Variants in UTP18 observed in about 807,000 individuals in gnomAD.
UTP18 encodes the protein UTP18 small subunit processome component, also known as U3 small nucleolar RNA-associated protein 18 homolog.
A neutral mutation model predicts 61.1 loss-of-function variants in UTP18; 36 were observed. That is an observed-to-expected ratio of 0.59 (90% CI 0.45 to 0.78). The LOEUF is 0.78. Among genes scored for constraint, UTP18 ranks in the 30% least tolerant of loss-of-function variants. UTP18 has a pLI of 0.00. For synonymous variants in UTP18, 282 were observed against 251.1 expected (o/e 1.12, Z -1.16); for missense variants, 753 against 693.9 (o/e 1.09, Z -0.96).
chr17:51,285,612 A>G (rs1288086665), intron 10 of UTP18, among the ~76,000 whole-genome samples: 1 of 152,224 alleles, frequency 6.6e-6, no homozygotes, highest in Non-Finnish European at 1.5e-5. Flanking sequence ...CCTGTGGTTA[A>G]TCACAATCTG....
Position 51,260,742 on chromosome 17 carries a change from G to C in UTP18, c.158G>C (p.Arg53Pro). 6.3e-7 allele frequency: 1 copy of C among 1,584,732 alleles called. No homozygotes were observed. Among genetic ancestry groups the C allele is most frequent in the Non-Finnish European group, 8.6e-7 (1 of 1,166,502 alleles). Reference sequence around the variant, plus strand: ...TCATCCCAGCGGAAACCGCCGGCCCGGCCGAGCGCGGCGGCCGCTGCGATT... The same window carrying C: ...TCATCCCAGCGGAAACCGCCGGCCCCGCCGAGCGCGGCGGCCGCTGCGATT... ...APSSQRKPPARPSAAAAAIAV... is the reference protein window; with the variant it reads ...APSSQRKPPAPPSAAAAAIAV... The change falls in exon 1 of 14, where the codon CGG becomes CCG. Residue 53 changes from arginine to proline, a missense_variant. By Grantham distance (103) the Arg-to-Pro change is moderately radical. Transcript: ENST00000225298.
chr17:51,292,118 A>G lies in UTP18; in HGVS notation c.1504-1785A>G, dbSNP rs547915308. Among the ~76,000 whole-genome samples, 4 of 152,346 alleles carry G rather than the reference A, an allele frequency of 2.6e-5. No individual in the cohort carries two copies. In the South Asian group the frequency reaches 8.3e-4, roughly 32 times the overall value. On this transcript the variant is annotated intron_variant, in intron 11 of 13. Transcript: ENST00000225298. ...ATATAATATCTGCCTTCCCAAATTAAATGTAAATAAATTTTGCAATATCCA... is the reference window on the plus strand; with the variant it reads ...ATATAATATCTGCCTTCCCAAATTAGATGTAAATAAATTTTGCAATATCCA...
intron 9 of UTP18, 127 bp downstream of exon 9, chr17:51,280,606 C>T (rs1054332441): frequency 7.1e-5 from 56 of 788,498 alleles, no homozygotes; most frequent in South Asian, 5.3e-4. Context: ...TTGAGGTCAG[C>T]GGGTAAGATC....
chr17:51,262,408 C>T (rs754601097), intron 1 of UTP18, among the ~76,000 whole-genome samples: 47 of 152,042 alleles, frequency 3.1e-4, no homozygotes, highest in Admixed American at 8.5e-4. Context: ...ATAGTATAAA[C>T]TTTATGGTAT....
rs10695281 is a variant in UTP18, at chr17:51,265,562, C to CTTTTT, written c.456-603_456-599dup. 1.6e-3 allele frequency among the ~76,000 whole-genome samples: 137 copies of CTTTTT among 85,538 alleles called. 2 individuals carry two copies. Among genetic ancestry groups the CTTTTT allele is most frequent in the African/African-American group, 2.7e-3 (55 of 20,210 alleles). The allele number at this position is 85,538 out of a possible 152,430, so 56.1% of individuals were successfully genotyped here. ...GCAGGCATGAGCCACCGTGCCCGGCCTTTTTTTTTTTTTTTTTTTTTGAGA... is the reference window on the plus strand; with the variant it reads ...GCAGGCATGAGCCACCGTGCCCGGCCTTTTTTTTTTTTTTTTTTTTTTTTTTGAGA... On this transcript the variant is annotated intron_variant, in intron 2 of 13. Transcript: ENST00000225298.
At chr17:51,292,041 T>G (rs1905252566) in intron 11 of UTP18, among the ~76,000 whole-genome samples, 1 of 152,246 alleles carries the variant, frequency 6.6e-6, no homozygotes. Flanking sequence ...GGATACAAAC[T>G]TACAATAACC....
intron 1 of UTP18, among the ~76,000 whole-genome samples, chr17:51,262,967 T>C (rs1568263039): frequency 6.6e-6 from 1 of 152,264 alleles, no homozygotes; most frequent in African/African-American, 2.4e-5. Context: ...ACATTTCTCC[T>C]CCTTTTTTCA....
At chr17:51,279,505 TGTTTTTG>T (rs1231148637) in intron 7 of UTP18, among the ~76,000 whole-genome samples, 1 of 147,720 alleles carries the variant, frequency 6.8e-6, no homozygotes, top group Non-Finnish European at 1.5e-5. Flanking sequence ...TTTTGTTTTT[TGTTTTTG>T]TTTTTGACTC....
intron 5 of UTP18, among the ~76,000 whole-genome samples, chr17:51,275,153 C>T (rs1464935213): frequency 6.7e-6 from 1 of 150,034 alleles, no homozygotes; most frequent in Admixed American, 6.6e-5. Flanking sequence ...GTCGAGATTA[C>T]GCCATTGCCC....
chr17:51,276,313 T>G (rs1002584673), intron 6 of UTP18, among the ~76,000 whole-genome samples: 1 of 152,218 alleles, frequency 6.6e-6, no homozygotes, highest in African/African-American at 2.4e-5. Context: ...TGAATGCACC[T>G]GTATGACTTC....
At position 51,282,585 on chromosome 17, in the gene UTP18, T is replaced by A. The variant is rs536175810; in HGVS notation, c.1204+2106T>A. Among the ~76,000 whole-genome samples, 5 of 150,514 alleles carry A rather than the reference T, an allele frequency of 3.3e-5. No individual in the cohort carries two copies. The South Asian group carries it at 1.1e-3, about 32-fold the overall frequency. ...TTCCTGATGAAATGGCCCTTGGCCC[T>A]GGTAGAGAGAGAGTCGGGGAGGGAG... On this transcript the variant is annotated intron_variant, in intron 9 of 13. Transcript: ENST00000225298.
chr17:51,272,559 G>T (rs577400372), intron 4 of UTP18, among the ~76,000 whole-genome samples: 2 of 152,254 alleles, frequency 1.3e-5, no homozygotes, highest in Non-Finnish European at 2.9e-5. Flanking sequence ...AAATAATGTA[G>T]ATTAATTAGA....
At chr17:51,296,810 C>G (rs1905379732) in intron 12 of UTP18, 155 bp from the exon 13 acceptor site, 2 of 627,014 alleles carry the variant, frequency 3.2e-6, no homozygotes, top group Admixed American at 7.0e-5. Context: ...TCCAGAATGT[C>G]AGATTGAGGA....
At chr17:51,279,073 T>C (rs992273603) in intron 7 of UTP18, among the ~76,000 whole-genome samples, 41 of 152,222 alleles carry the variant, frequency 2.7e-4, no homozygotes, top group African/African-American at 9.6e-4. Context: ...CTAATTAATA[T>C]TGTAACTTAG....
At chr17:51,283,617 AT>A (rs34103760) in intron 9 of UTP18, among the ~76,000 whole-genome samples, 214 of 138,460 alleles carry the variant, frequency 1.5e-3, no homozygotes, top group Non-Finnish European at 1.9e-3. Flanking sequence ...TTACTCATGG[AT>A]TTTTTTTTTT....
In UTP18 at chr17:51,260,814, G is replaced by A. The variant is rs201409207; in HGVS notation, c.230G>A (p.Arg77His). 33 of 1,590,444 alleles carry A rather than the reference G, an allele frequency of 2.1e-5. No individual in the cohort carries two copies. In the East Asian group the frequency reaches 6.7e-4, roughly 32 times the overall value. The change falls in exon 1 of 14, where the codon CGC becomes CAC. Residue 77 changes from arginine to histidine, a missense_variant. Transcript: ENST00000225298. ...GAGAGACGGCTCCGGCAGCGGAACC[G>A]CCTGAGGCTGGAGGAGGACAAACCG... is the stretch of plus-strand genomic sequence containing the variant. ...EEERRLRQRN[R>H]LRLEEDKPAV...
At chr17:51,280,593 C>A (rs2144422327) in intron 9 of UTP18, 114 bp downstream of exon 9, 2 of 897,992 alleles carry the variant, frequency 2.2e-6, no homozygotes, top group Non-Finnish European at 3.5e-6. Context: ...ATGGGCAGAT[C>A]ACTTGAGGTC....
intron 9 of UTP18, among the ~76,000 whole-genome samples, chr17:51,284,399 A>G (rs964105985): frequency 6.6e-6 from 1 of 151,822 alleles, no homozygotes; most frequent in Admixed American, 6.6e-5. Flanking sequence ...TTTTTTAATC[A>G]TTTAAATAAC....
chr17:51,280,823 T>A (rs562020241), intron 9 of UTP18, among the ~76,000 whole-genome samples: 211 of 149,166 alleles, frequency 1.4e-3, no homozygotes, highest in African/African-American at 4.6e-3. Flanking sequence ...AATAAAAAAA[T>A]TTTTTTTTTA....
Sources: allele counts gnomAD v4.1 joint callset (sites outside exome capture counted in the v4.1 genomes callset), GRCh38; gene constraint gnomAD v4.1.1; transcripts MANE v1.5; gene names NCBI Gene and HGNC (gene_info 2026-07-23, HGNC 2026-07-21).